TMEM165: variants seen among roughly 807,000 people sequenced by gnomAD.
TMEM165 encodes the protein putative divalent cation/proton antiporter TMEM165.
TMEM165 carries 19 observed loss-of-function variants against 30.0 expected under a neutral mutation model. The observed-to-expected ratio is 0.63, with a 90% CI of 0.44 to 0.93. The LOEUF (loss-of-function observed/expected upper bound fraction) is 0.93, where lower values mean the gene tolerates loss of function less well. TMEM165 is among the 40% of genes least tolerant of loss of function. TMEM165 has a pLI of 0.00. For synonymous variants in TMEM165, 168 were observed against 162.9 expected, an observed-to-expected ratio of 1.03 and a Z score of -0.24; for missense variants, 340 against 417.0, an observed-to-expected ratio of 0.82 and a Z score of 1.61.
exon 4 of TMEM165, chr4:55,453,274 T>C (rs1210327098): frequency 9.1e-6 from 6 of 662,166 alleles, no homozygotes; most frequent in South Asian, 2.0e-5. Flanking sequence ...AATATACCTA[T>C]AATGTCTTAA....
intron 1 of TMEM165, 25 bp from the exon 2 acceptor site, chr4:55,411,589 G>T (rs778434936): frequency 6.4e-7 from 1 of 1,554,840 alleles, no homozygotes; most frequent in East Asian, 2.2e-5. Flanking sequence ...ATGATTTTAA[G>T]AAGTAACTGA....
Position 55,437,574 on chromosome 4 carries a change from G to A in TMEM165, c.408+12931G>A, listed in dbSNP as rs546801487. Among the ~76,000 whole-genome samples the A allele has an allele frequency of 3.3e-5, 5 of 152,116 alleles. No homozygotes were observed. The South Asian group carries it at 6.2e-4, about 19-fold the overall frequency. On this transcript the variant is annotated intron_variant, in intron 3 of 3. Transcript: ENST00000608091. ...TGTCTATTACATTTGTCAATATAGC[G>A]GTCACAAATAACAGCTAGCCATGTG...
intron 3 of TMEM165, chr4:55,450,246 G>GT: frequency 6.2e-7 from 1 of 1,613,742 alleles, no homozygotes; most frequent in South Asian, 1.1e-5. Flanking sequence ...TGGAGACAGA[G>GT]TAAAATAAAT....
At chr4:55,405,604 A>G (rs1476380641) in intron 1 of TMEM165, among the ~76,000 whole-genome samples, 2 of 152,350 alleles carry the variant, frequency 1.3e-5, no homozygotes, top group East Asian at 1.9e-4. Flanking sequence ...TCTGCCAACC[A>G]GAAAACCTCA....
In TMEM165 at chr4:55,432,100, C is replaced by T. The variant is rs527612763; in HGVS notation, c.408+7457C>T. ...CCATTCCTAAGCCAGATATAAATGA[C>T]AAAGGAGAGCACAGCACTGTCAAGT... On this transcript the variant is annotated intron_variant, in intron 3 of 3. Transcript: ENST00000608091. 6.6e-5 allele frequency: 10 copies of T among 152,298 alleles called. No homozygotes were observed. In the South Asian group the frequency reaches 2.1e-3, roughly 32 times the overall value. 9.4% of individuals were successfully genotyped at this position (152,298 alleles called of 1,614,324 possible).
chr4:55,412,153 G>T, intron 2 of TMEM165: 1 of 374,824 alleles, frequency 2.7e-6, no homozygotes, highest in Non-Finnish European at 4.9e-6. Flanking sequence ...CCAGCACTTT[G>T]GGAGGCCGAA....
intron 2 of TMEM165, chr4:55,415,520 A>G (rs1721685522): frequency 6.6e-6 from 1 of 152,178 alleles, no homozygotes; most frequent in South Asian, 2.1e-4. Flanking sequence ...CCCAAGATCT[A>G]GGTGCAAGGT....
chr4:55,401,992 C>T (rs1216101293), intron 1 of TMEM165, among the ~76,000 whole-genome samples: 2 of 148,984 alleles, frequency 1.3e-5, no homozygotes, highest in Non-Finnish European at 2.9e-5. Context: ...GTGGCACACA[C>T]CTGTAATCCC....
rs1446309755 is a variant in TMEM165, at chr4:55,424,606, A to G, written c.861A>G (p.Gly287=). The part of the protein sequence containing the change: ...HCLCTGLAVI[G]GRMIAQKISV... ...TGTGCACGGGATTGGCAGTAATTGG[A>G]GGAAGAATGATAGCACAGAAAATCT... Residue 287 remains glycine (G), a synonymous_variant, in exon 5 of 6, where the codon GGA becomes GGG. Coordinates refer to ENST00000381334, the MANE Select transcript of TMEM165 (RefSeq NM_018475.5). 1 of 1,613,632 alleles carries G rather than the reference A, an allele frequency of 6.2e-7. No individual in the cohort carries two copies. Among genetic ancestry groups the G allele is most frequent in the African/African-American group, 1.3e-5 (1 of 75,050 alleles).
At chr4:55,447,006 A>G (rs1560419683) in intron 3 of TMEM165, among the ~76,000 whole-genome samples, 2 of 152,102 alleles carry the variant, frequency 1.3e-5, no homozygotes, top group Non-Finnish European at 2.9e-5. Flanking sequence ...TTGAGAAAAT[A>G]TTAAAAATTT....
intron 4 of TMEM165, among the ~76,000 whole-genome samples, chr4:55,418,833 G>A (rs1560395866): frequency 6.6e-6 from 1 of 152,076 alleles, no homozygotes; most frequent in Non-Finnish European, 1.5e-5. Flanking sequence ...GATCACCTGA[G>A]GTCAGGAGTT....
chr4:55,415,659 C>CTG (rs1195740023), intron 2 of TMEM165: 1 of 152,144 alleles, frequency 6.6e-6, no homozygotes, highest in African/African-American at 2.4e-5. Flanking sequence ...CATATATACA[C>CTG]ACACAATAAT....
At chr4:55,400,381 T>G in intron 1 of TMEM165, among the ~76,000 whole-genome samples, 1 of 119,182 alleles carries the variant, frequency 8.4e-6, no homozygotes, top group East Asian at 2.4e-4. Flanking sequence ...ATTAATATAA[T>G]AATAATAAAT....
At chr4:55,400,300 T>TTAATACTGTATTATATATTATATATAA (rs1720926648) in intron 1 of TMEM165, among the ~76,000 whole-genome samples, 4 of 105,974 alleles carry the variant, frequency 3.8e-5, no homozygotes, top group Admixed American at 1.4e-4. Context: ...ATATATAATA[T>TTAATACTGTATTATATATTATATATAA]TATATATAAT....
intron 4 of TMEM165, among the ~76,000 whole-genome samples, chr4:55,420,585 C>T (rs760412817): frequency 2.0e-5 from 3 of 152,132 alleles, no homozygotes; most frequent in Non-Finnish European, 4.4e-5. Context: ...GTTAGCCACA[C>T]TTCCATACTA....
rs1386008825 is a variant in TMEM165, at chr4:55,396,315, G to A, written c.126G>A (p.Arg42=). 4 of 1,524,930 alleles carry A rather than the reference G, an allele frequency of 2.6e-6. No individual in the cohort carries two copies. Among genetic ancestry groups the A allele is most frequent in the Non-Finnish European group, 3.5e-6 (4 of 1,140,502 alleles). The allele number at this position is 1,524,930 out of a possible 1,614,324, so 94.5% of individuals were successfully genotyped here. ...RAGPDEDLSH[R]NKEPPAPAQQ... is the part of the protein sequence containing the mutation. ...GCCCAGATGAAGACCTTAGCCACCG[G>A]AACAAAGAACCGCCGGCGCCGGCCC... The change falls in exon 1 of 6, where the codon CGG becomes CGA. Residue 42 remains arginine (R), a synonymous_variant. Coordinates refer to ENST00000381334, the MANE Select transcript of TMEM165 (RefSeq NM_018475.5).
intron 1 of TMEM165, among the ~76,000 whole-genome samples, chr4:55,401,048 C>T (rs1427488725): frequency 6.7e-6 from 1 of 150,238 alleles, no homozygotes; most frequent in East Asian, 1.9e-4. Context: ...TGAGAGTGGG[C>T]TTCTGAAAAT....
chr4:55,447,179 C>A (rs1359481835), intron 3 of TMEM165, among the ~76,000 whole-genome samples: 1 of 151,826 alleles, frequency 6.6e-6, no homozygotes, highest in African/African-American at 2.4e-5. Context: ...CCAGCCTGGG[C>A]AACATGGCAA....
intron 3 of TMEM165, among the ~76,000 whole-genome samples, chr4:55,442,799 CTG>C (rs1300951392): frequency 3.3e-5 from 5 of 152,004 alleles, no homozygotes; most frequent in African/African-American, 1.2e-4. Context: ...CTCGTGGTAA[CTG>C]AGAATGAATT....
Sources: allele counts gnomAD v4.1 joint callset (sites outside exome capture counted in the v4.1 genomes callset), GRCh38; gene constraint gnomAD v4.1.1; transcripts MANE v1.5; gene names NCBI Gene and HGNC (gene_info 2026-07-23, HGNC 2026-07-21).